RHD: variants seen among roughly 807,000 people sequenced by gnomAD.
RHD encodes blood group Rh(D) polypeptide.
Under a neutral mutation model 45.5 loss-of-function variants are expected in RHD, and 16 were observed. The ratio of observed to expected loss-of-function variants is 0.35; its 90% CI spans 0.24 to 0.53. RHD has a LOEUF of 0.53. RHD is among the 20% of genes least tolerant of loss of function. The pLI is 0.92. For synonymous variants in RHD, 131 were observed against 217.5 expected, an observed-to-expected ratio of 0.60 and a Z score of 3.50; for missense variants, 306 against 532.0, an observed-to-expected ratio of 0.58 and a Z score of 4.18.
intron 3 of RHD, among the ~76,000 whole-genome samples, chr1:25,297,375 T>C (rs542242795): frequency 2.0e-5 from 2 of 100,232 alleles, no homozygotes; most frequent in African/African-American, 3.4e-5. Flanking sequence ...TGGGTTAAGA[T>C]GGTACCTGCC....
chr1:25,283,501 A>G (rs1291707691), intron 1 of RHD, among the ~76,000 whole-genome samples: 1 of 127,366 alleles, frequency 7.9e-6, no homozygotes, highest in African/African-American at 2.9e-5. Context: ...ACTGTACTCC[A>G]GCCTGGGTGA....
chr1:25,291,237 G>A lies in RHD; in HGVS notation c.486+446G>A, dbSNP rs1308621513. On this transcript the variant is annotated intron_variant, in intron 3 of 9. Coordinates refer to ENST00000328664, the MANE Select transcript of RHD (RefSeq NM_016124.6). ...TAATCCCAGCACTTTGGGAGGCCAA[G>A]GAGGGCAGATCACCTGAGGTCAGGA... Among the ~76,000 whole-genome samples the A allele has an allele frequency of 3.8e-5, 5 of 130,962 alleles. 1 individual carries two copies. The highest frequency in any genetic ancestry group is 7.2e-5 in the Non-Finnish European group (4 of 55,498). 85.9% of individuals were successfully genotyped at this position (130,962 alleles called of 152,430 possible).
rs189418121 is a variant in RHD at position 25,320,574 on chromosome 1, T to G, written c.1154-1315T>G. Among the ~76,000 whole-genome samples the G allele has an allele frequency of 3.8e-5, 5 of 131,962 alleles. 2 individuals carry two copies. Among genetic ancestry groups the G allele is most frequent in the Middle Eastern group, 8.1e-3 (2 of 246 alleles). The allele number at this position is 131,962 out of a possible 152,430, so 86.6% of individuals were successfully genotyped here. A position where few individuals can be genotyped will look rare whatever the true frequency, so the allele number is the denominator to read the frequency against. The stretch of plus-strand genomic sequence containing the variant: ...ACGAATCTCACTAAGCACTCGCCCA[T>G]TCTTGTTAACGACACTGGAACTGAT... On this transcript the variant is annotated intron_variant, in intron 8 of 9. Transcript: ENST00000328664.
At chr1:25,293,332 G>A (rs1571636100) in intron 3 of RHD, among the ~76,000 whole-genome samples, 1 of 126,898 alleles carries the variant, frequency 7.9e-6, no homozygotes, top group Admixed American at 7.7e-5. Context: ...CCTTTAGGCC[G>A]ATGCAGGGAC....
intron 3 of RHD, among the ~76,000 whole-genome samples, chr1:25,296,629 A>G (rs375673658): frequency 3.8e-5 from 5 of 131,194 alleles, no homozygotes; most frequent in African/African-American, 1.3e-4. Flanking sequence ...TGAGGGCATG[A>G]CCTCGTGGGA....
chr1:25,311,160 A>G (rs541129224), intron 7 of RHD, among the ~76,000 whole-genome samples: 8 of 132,078 alleles, frequency 6.1e-5, no homozygotes, highest in East Asian at 5.9e-4. Context: ...GGTCTCAGAT[A>G]GAACTGAAGA....
Position 25,301,067 on chromosome 1 carries a change from C to G in RHD, c.608C>G (p.Thr203Arg). Residue 203 changes from threonine (T) to arginine (R), a missense_variant, in exon 4 of 10, where the codon ACG becomes AGG. Transcript: ENST00000328664. The part of the protein sequence containing the change: ...EGTEDKDQTA[T>R]IPSLSAMLGA... ...ACGGAGGATAAAGATCAGACAGCAA[C>G]GATACCCAGTTTGTCTGCCATGCTG... 7.3e-7 allele frequency: 1 copy of G among 1,376,864 alleles called. No homozygotes were observed. Among genetic ancestry groups the G allele is most frequent in the East Asian group, 2.2e-5 (1 of 44,612 alleles). 85.3% of individuals were successfully genotyped at this position (1,376,864 alleles called of 1,614,324 possible). A position where few individuals can be genotyped will look rare whatever the true frequency, so the allele number is the denominator to read the frequency against.
rs1206964858 is a variant in RHD at position 25,329,106 on chromosome 1, A to G, written c.*182A>G. On this transcript the variant is annotated 3_prime_UTR_variant, in exon 10 of 10. Transcript: ENST00000328664. ...GCCACTCTTTGAGGAGAATCTCACCATTTATTATGCACTGTAGAATACAAC... is the reference window on the plus strand; with the variant it reads ...GCCACTCTTTGAGGAGAATCTCACCGTTTATTATGCACTGTAGAATACAAC... The G allele has an allele frequency of 8.0e-7, 1 of 1,244,958 alleles. No individual in the cohort carries two copies. Among genetic ancestry groups the G allele is most frequent in the Non-Finnish European group, 1.1e-6 (1 of 873,816 alleles). 77.1% of individuals were successfully genotyped at this position (1,244,958 alleles called of 1,614,324 possible).
At chr1:25,288,548 C>T (rs1411300672) in intron 2 of RHD, among the ~76,000 whole-genome samples, 1 of 125,914 alleles carries the variant, frequency 7.9e-6, no homozygotes, top group Non-Finnish European at 1.9e-5. Context: ...ATAGCAATAA[C>T]CAACTCCTTT....
intron 1 of RHD, among the ~76,000 whole-genome samples, chr1:25,275,096 C>G (rs1640842301): frequency 7.6e-6 from 1 of 132,302 alleles, no homozygotes; most frequent in South Asian, 2.3e-4. Flanking sequence ...TCGAGACCAG[C>G]CTGGCCAACA....
intron 1 of RHD, among the ~76,000 whole-genome samples, chr1:25,278,512 G>C (rs2124600741): frequency 7.6e-6 from 1 of 131,954 alleles, no homozygotes; most frequent in East Asian, 2.0e-4. Context: ...TTCACCCAGG[G>C]TCATTCATGC....
rs369913758 is a variant in RHD at position 25,315,743 on chromosome 1, G to A, written c.1074-1257G>A. ...CATCTCCTGACCTCATGATCTGCCC[G>A]CCTCGGCCTCCCAAAGTGTGGGGAT... On this transcript the variant is annotated intron_variant, in intron 7 of 9. Transcript: ENST00000328664. Among the ~76,000 whole-genome samples, 10 of 129,968 alleles carry A rather than the reference G, an allele frequency of 7.7e-5. 1 individual carries two copies. In the East Asian group the frequency reaches 1.6e-3, roughly 20 times the overall value. The allele number at this position is 129,968 out of a possible 152,430, so 85.3% of individuals were successfully genotyped here.
At position 25,282,126 on chromosome 1, in the gene RHD, GA is replaced by G. The variant is rs1206692129; in HGVS notation, c.149-2444del. On this transcript the variant is annotated intron_variant, in intron 1 of 9. Coordinates refer to ENST00000328664, the MANE Select transcript of RHD (RefSeq NM_016124.6). ...AACATTATTTCCTTTGGATTTCCCA[GA>G]AACCTCTCAGGTGGGTCTAATTACC... Among the ~76,000 whole-genome samples, 4 of 132,630 alleles carry G rather than the reference GA, an allele frequency of 3.0e-5. 1 individual carries two copies. Among genetic ancestry groups the G allele is most frequent in the African/African-American group, 1.0e-4 (4 of 38,916 alleles). The allele number at this position is 132,630 out of a possible 152,430, so 87.0% of individuals were successfully genotyped here. A position where few individuals can be genotyped will look rare whatever the true frequency, so the allele number is the denominator to read the frequency against.
intron 2 of RHD, among the ~76,000 whole-genome samples, chr1:25,285,134 ATTT>A (rs869147845): frequency 2.5e-5 from 3 of 120,740 alleles, no homozygotes; most frequent in African/African-American, 3.0e-5. Flanking sequence ...GAGACATTCT[ATTT>A]TTTTTTTTTT....
chr1:25,312,518 G>A (rs1488155569), intron 7 of RHD, among the ~76,000 whole-genome samples: 1 of 130,670 alleles, frequency 7.7e-6, no homozygotes, highest in East Asian at 2.0e-4. Flanking sequence ...GTTGAGGTGG[G>A]AGGATTGCTT....
chr1:25,292,656 G>A (rs186522372), intron 3 of RHD, among the ~76,000 whole-genome samples: 1 of 129,626 alleles, frequency 7.7e-6, no homozygotes, highest in Non-Finnish European at 1.8e-5. Flanking sequence ...GTTGGGGGAG[G>A]GGGGGTAGAG....
chr1:25,319,114 C>G lies in RHD; in HGVS notation c.1153+2035C>G, dbSNP rs564957432. Among the ~76,000 whole-genome samples the G allele has an allele frequency of 5.3e-5, 7 of 132,552 alleles. 1 individual carries two copies. The highest frequency in any genetic ancestry group is 1.8e-4 in the African/African-American group (7 of 38,984). 87.0% of individuals were successfully genotyped at this position (132,552 alleles called of 152,430 possible). A position where few individuals can be genotyped will look rare whatever the true frequency, so the allele number is the denominator to read the frequency against. ...GTATCCTGCATTTTATTTGGCAACC[C>G]TGTCCTGGGACTCACACTATTCACT... On this transcript the variant is annotated intron_variant, in intron 8 of 9. Coordinates refer to ENST00000328664, the MANE Select transcript of RHD (RefSeq NM_016124.6).
At chr1:25,273,099 G>A (rs1640632318) in intron 1 of RHD, among the ~76,000 whole-genome samples, 1 of 130,760 alleles carries the variant, frequency 7.6e-6, no homozygotes, top group Admixed American at 7.5e-5. Flanking sequence ...ATGTTGTTGG[G>A]TTTTTGGTTT....
intron 3 of RHD, among the ~76,000 whole-genome samples, chr1:25,293,299 G>T (rs1303617170): frequency 3.9e-5 from 5 of 128,036 alleles, no homozygotes; most frequent in Admixed American, 3.8e-4. Context: ...TGGAAAGCAG[G>T]AGTGGGATTT....
Sources: allele counts gnomAD v4.1 joint callset (sites outside exome capture counted in the v4.1 genomes callset), GRCh38; gene constraint gnomAD v4.1.1; transcripts MANE v1.5; gene names NCBI Gene and HGNC (gene_info 2026-07-23, HGNC 2026-07-21).